The following ACSM4 variants were observed in gnomAD, a reference collection of about 807,000 sequenced individuals.
ACSM4 encodes acyl-CoA synthetase medium chain family member 4.
Under a neutral mutation model 73.0 loss-of-function variants are expected in ACSM4, and 66 were observed. That is an observed-to-expected ratio of 0.90 (90% confidence interval 0.74 to 1.11). ACSM4 has a LOEUF of 1.11. ACSM4 is among the 50% of genes least tolerant of loss of function. The probability of loss-of-function intolerance (pLI) is 0.00; values close to 1 mark genes in which losing one functional copy is unlikely to be tolerated. For missense variants in ACSM4, 645 were observed against 714.4 expected (o/e 0.90, Z 1.11); for synonymous variants, 222 against 254.0 (o/e 0.87, Z 1.20).
chr12:7,327,266 T>A (rs977993201), intron 12 of ACSM4, among the ~76,000 whole-genome samples, 171 bp downstream of exon 12: 2 of 152,350 alleles, frequency 1.3e-5, no homozygotes, highest in African/African-American at 2.4e-5. Context: ...ATTAGAACGG[T>A]ATAAGTGAAT....
At chr12:7,313,274 T>C (rs1315362604) in intron 3 of ACSM4, among the ~76,000 whole-genome samples, 1 of 152,142 alleles carries the variant, frequency 6.6e-6, no homozygotes, top group African/African-American at 2.4e-5. Context: ...GATTTCAAAT[T>C]GAAATTTGCA....
Position 7,307,118 on chromosome 12 carries a change from G to A in ACSM4, c.412+375G>A, listed in dbSNP as rs371689883. ...AAACACAAAAAATTACCCAGTTGTG[G>A]TGGTGTGTGCCTGTAATCCCAGCTA... On this transcript the variant is annotated intron_variant, in intron 2 of 12. Transcript: ENST00000399422. Among the ~76,000 whole-genome samples the A allele has an allele frequency of 2.6e-5, 4 of 152,150 alleles. No individual in the cohort carries two copies. The East Asian group carries it at 5.8e-4, about 22-fold the overall frequency.
intron 2 of ACSM4, 30 bp downstream of exon 2, chr12:7,306,773 CACAA>C (rs542553519): frequency 2.6e-6 from 4 of 1,559,700 alleles, no homozygotes; most frequent in Non-Finnish European, 3.5e-6. Flanking sequence ...TTCTAAATCA[CACAA>C]ACACAGAGAG....
intron 7 of ACSM4, 25 bp from the exon 8 acceptor site, chr12:7,323,209 T>G: frequency 6.3e-7 from 1 of 1,578,264 alleles, no homozygotes; most frequent in East Asian, 2.3e-5. Context: ...TTTGTATACT[T>G]ATACAAAGCT....
chr12:7,317,307 T>C, intron 4 of ACSM4, 27 bp downstream of exon 4: 1 of 1,538,586 alleles, frequency 6.5e-7, no homozygotes, highest in Non-Finnish European at 8.8e-7. Flanking sequence ...AGTTTGTTTT[T>C]GGTGAACTCC....
chr12:7,306,584 G>C lies in ACSM4; in HGVS notation c.253G>C (p.Asp85His). 1 of 1,602,428 alleles carries C rather than the reference G, an allele frequency of 6.2e-7. No individual in the cohort carries two copies. The highest frequency in any genetic ancestry group is 1.7e-4 in the Middle Eastern group (1 of 6,024). ...CCTGTGGTGGGTGAATGGCAAAGGG[G>C]ATGAGGTAAAATGGAGCTTCAGAGA... Reference protein sequence around the residue: ...PALWWVNGKGDEVKWSFRELG... With the variant: ...PALWWVNGKGHEVKWSFRELG... Residue 85 changes from aspartate (D) to histidine (H), a missense_variant, in exon 2 of 13, where the codon GAT becomes CAT. Transcript: ENST00000399422.
At chr12:7,321,351 T>A (rs1006050288) in intron 6 of ACSM4, among the ~76,000 whole-genome samples, 3 of 152,234 alleles carry the variant, frequency 2.0e-5, no homozygotes, top group Non-Finnish European at 4.4e-5. Context: ...AGAGTTGCAA[T>A]GTATATTTGT....
At chr12:7,307,378 A>G (rs1946367708) in intron 2 of ACSM4, among the ~76,000 whole-genome samples, 1 of 152,242 alleles carries the variant, frequency 6.6e-6, no homozygotes, top group Admixed American at 6.5e-5. Context: ...AAATTTGGGT[A>G]CCAACATCTC....
chr12:7,304,562 T>C (rs1337391890), intron 1 of ACSM4, 30 bp downstream of exon 1: 1 of 1,592,090 alleles, frequency 6.3e-7, no homozygotes, highest in South Asian at 1.1e-5. Flanking sequence ...CAGTAGATGC[T>C]TGGTGTCCCC....
At chr12:7,324,249 C>T in intron 9 of ACSM4, 24 bp from the exon 10 acceptor site, 1 of 1,609,656 alleles carries the variant, frequency 6.2e-7, no homozygotes, top group Non-Finnish European at 8.5e-7. Context: ...AGACTAATCC[C>T]CAAATGTCAT....
rs1483427558 is a variant in ACSM4, at chr12:7,322,470, C to G, written c.1054C>G (p.Pro352Ala). The G allele has an allele frequency of 6.2e-7, 1 of 1,613,882 alleles. No homozygotes were observed. Among genetic ancestry groups the G allele is most frequent in the South Asian group, 1.1e-5 (1 of 91,080 alleles). Reference protein sequence around the residue: ...HCLTGGEPLNPEVLEQWRVQT... With the variant: ...HCLTGGEPLNAEVLEQWRVQT... The stretch of plus-strand genomic sequence containing the variant: ...CTTGACCGGAGGGGAGCCACTCAAC[C>G]CAGAAGTGCTGGAGCAGTGGAGGGT... Residue 352 changes from proline (P) to alanine (A), a missense_variant, in exon 7 of 13, where the codon CCA (proline) becomes GCA (alanine). Pro to Ala is a conservative substitution (Grantham distance 27). Coordinates refer to ENST00000399422, the MANE Select transcript of ACSM4 (RefSeq NM_001080454.2).
intron 3 of ACSM4, among the ~76,000 whole-genome samples, chr12:7,311,583 G>A (rs1429279976): frequency 6.6e-6 from 1 of 152,174 alleles, no homozygotes; most frequent in Non-Finnish European, 1.5e-5. Flanking sequence ...GAATTATCAT[G>A]CCCATTCATC....
chr12:7,324,258 A>C lies in ACSM4; in HGVS notation c.1309-15A>C, dbSNP rs181581984. The C allele has an allele frequency of 1.2e-3, 1,904 of 1,610,692 alleles. 2 individuals are homozygous for C. The highest frequency in any genetic ancestry group is 1.4e-3 in the Non-Finnish European group (1,639 of 1,178,920). On this transcript the variant is annotated splice_polypyrimidine_tract_variant and intron_variant, in intron 9 of 12. Transcript: ENST00000399422. ...CTGACCAGACTAATCCCCAAATGTC[A>C]TCCTTGGTTCCCAGGACAATCCACA...
intron 2 of ACSM4, 99 bp downstream of exon 2, chr12:7,306,842 G>T: frequency 2.3e-4 from 106 of 454,750 alleles, no homozygotes; most frequent in South Asian, 3.4e-4. Flanking sequence ...TATGCATACA[G>T]AAGACAAAAA....
In ACSM4 at chr12:7,328,394, G is replaced by T. The variant is rs953557513; in HGVS notation, c.*21G>T. 2 of 1,538,614 alleles carry T rather than the reference G, an allele frequency of 1.3e-6. No individual in the cohort carries two copies. Among genetic ancestry groups the T allele is most frequent in the East Asian group, 2.4e-5 (1 of 41,952 alleles). On this transcript the variant is annotated 3_prime_UTR_variant, in exon 13 of 13. Transcript: ENST00000399422. ...GATAGTTTGATAACAAAGCTGAAGGGTTAAGCAGTAATATGGTTGCTTTCT... is the reference window on the plus strand; with the variant it reads ...GATAGTTTGATAACAAAGCTGAAGGTTTAAGCAGTAATATGGTTGCTTTCT...
chr12:7,313,011 G>C (rs1055789080), intron 3 of ACSM4, among the ~76,000 whole-genome samples: 1 of 152,152 alleles, frequency 6.6e-6, no homozygotes, highest in African/African-American at 2.4e-5. Flanking sequence ...TAGAGGATAA[G>C]TAAAACGATA....
At chr12:7,317,928 C>T (rs1946433583) in intron 4 of ACSM4, 98 bp from the exon 5 acceptor site, 2 of 1,343,746 alleles carry the variant, frequency 1.5e-6, no homozygotes, top group African/African-American at 2.9e-5. Context: ...CTCTGTAGCC[C>T]TTAAGATATA....
intron 11 of ACSM4, among the ~76,000 whole-genome samples, chr12:7,326,604 T>C (rs1946507826): frequency 6.6e-6 from 1 of 152,188 alleles, no homozygotes; most frequent in Non-Finnish European, 1.5e-5. Flanking sequence ...GGAACTCCAT[T>C]TGTTCCCCTG....
At position 7,306,490 on chromosome 12, in the gene ACSM4, T is replaced by C. The variant is rs747289692; in HGVS notation, c.202-43T>C. On this transcript the variant is annotated intron_variant, in intron 1 of 12. Transcript: ENST00000399422. Reference sequence around the variant, plus strand: ...AGATGCCGCATGTAAGAGTAATCAGTCATGTAAACCTACCCCTCTCTTTTC... The same window carrying C: ...AGATGCCGCATGTAAGAGTAATCAGCCATGTAAACCTACCCCTCTCTTTTC... The C allele has an allele frequency of 2.6e-6, 4 of 1,522,938 alleles. No individual in the cohort carries two copies. In the South Asian group the frequency reaches 3.6e-5, roughly 14 times the overall value. The allele number at this position is 1,522,938 out of a possible 1,614,324, so 94.3% of individuals were successfully genotyped here. A position where few individuals can be genotyped will look rare whatever the true frequency, so the allele number is the denominator to read the frequency against.
Sources: allele counts gnomAD v4.1 joint callset (sites outside exome capture counted in the v4.1 genomes callset), GRCh38; gene constraint gnomAD v4.1.1; transcripts MANE v1.5; gene names NCBI Gene and HGNC (gene_info 2026-07-23, HGNC 2026-07-21).